Variants in TMEM40 observed in about 807,000 individuals in gnomAD.
TMEM40 encodes the protein transmembrane protein 40.
Under a neutral mutation model 40.8 loss-of-function variants are expected in TMEM40, and 34 were observed. The observed-to-expected ratio is 0.83, with a 90% confidence interval of 0.63 to 1.11. The LOEUF (loss-of-function observed/expected upper bound fraction) is 1.11. Ranked by LOEUF, TMEM40 falls within the 50% of genes least tolerant of loss-of-function variation. The pLI is 0.00. For synonymous variants in TMEM40, 106 were observed against 107.0 expected (o/e 0.99, Z 0.06); for missense variants, 296 against 280.2 (o/e 1.06, Z -0.40).
chr3:12,739,227 T>G (rs1238979656), intron 5 of TMEM40: 1 of 152,336 alleles, frequency 6.6e-6, no homozygotes, highest in Non-Finnish European at 1.5e-5. Context: ...TGACATTATT[T>G]TATGTACTAC....
upstream of TMEM40, among the ~76,000 whole-genome samples, chr3:12,760,528 C>G (rs1308779980): frequency 2.6e-5 from 4 of 151,942 alleles, no homozygotes; most frequent in Non-Finnish European, 1.5e-5. Flanking sequence ...CCACCTGGCC[C>G]CCCGCTCACT....
chr3:12,752,807 A>T (rs1318528988), intron 1 of TMEM40, among the ~76,000 whole-genome samples: 1 of 151,948 alleles, frequency 6.6e-6, no homozygotes, highest in African/African-American at 2.4e-5. Flanking sequence ...TGTCTCAAAA[A>T]AAAAAAGAAA....
intron 3 of TMEM40, 108 bp downstream of exon 3, chr3:12,748,547 A>T: frequency 7.0e-7 from 1 of 1,431,344 alleles, no homozygotes; most frequent in South Asian, 1.4e-5. Flanking sequence ...AATGTGGAGA[A>T]ACGGTATTGG....
chr3:12,762,283 T>C (rs1167727058), upstream of TMEM40, among the ~76,000 whole-genome samples: 5 of 152,246 alleles, frequency 3.3e-5, no homozygotes, highest in Non-Finnish European at 7.3e-5. Flanking sequence ...GATATATTAT[T>C]AAAATTAGTG....
intron 1 of TMEM40, among the ~76,000 whole-genome samples, chr3:12,766,368 G>A (rs1035817466): frequency 6.6e-6 from 1 of 152,038 alleles, no homozygotes; most frequent in Admixed American, 6.6e-5. Flanking sequence ...GGCCGAGGAG[G>A]GCGGATCACG....
chr3:12,748,743 G>C lies in TMEM40; in HGVS notation c.123C>G (p.Ser41=). ...HKQDGKAGLF[S]QEQYERNKSS... ...ACTTGTTTCTCTCATATTGTTCTTG[G>C]GAAAAGAGTCCAGCCTTCCCATCTT... The change falls in exon 3 of 12, where the codon TCC becomes TCG. Residue 41 remains serine (S), a synonymous_variant. Transcript: ENST00000314124. The C allele has an allele frequency of 6.2e-7, 1 of 1,614,074 alleles. No individual in the cohort carries two copies.
At chr3:12,740,772 C>T (rs1360189946) in intron 5 of TMEM40, among the ~76,000 whole-genome samples, 1 of 151,946 alleles carries the variant, frequency 6.6e-6, no homozygotes, top group African/African-American at 2.4e-5. Context: ...GTAGGAGAAT[C>T]GCTTGAGCCC....
At chr3:12,748,539 T>C in intron 3 of TMEM40, 116 bp downstream of exon 3, 2 of 1,391,628 alleles carry the variant, frequency 1.4e-6, no homozygotes, top group Non-Finnish European at 1.9e-6. Flanking sequence ...TAGAAGAGAA[T>C]GTGGAGAAAC....
chr3:12,737,979 C>G, intron 7 of TMEM40, 157 bp downstream of exon 7: 3 of 1,066,688 alleles, frequency 2.8e-6, no homozygotes, highest in Non-Finnish European at 4.2e-6. Flanking sequence ...TTTCCATTTC[C>G]CCTGCACTGG....
At chr3:12,741,989 T>C (rs1269075297) in intron 5 of TMEM40, among the ~76,000 whole-genome samples, 1 of 152,090 alleles carries the variant, frequency 6.6e-6, no homozygotes, top group Non-Finnish European at 1.5e-5. Flanking sequence ...CCCAGCACTT[T>C]GGGAGGCCGA....
intron 1 of TMEM40, among the ~76,000 whole-genome samples, chr3:12,752,255 G>T (rs890981787): frequency 3.9e-5 from 6 of 152,066 alleles, no homozygotes; most frequent in Non-Finnish European, 7.4e-5. Context: ...TCCAGGGTTT[G>T]TCTCCTTCAC....
chr3:12,755,821 C>T (rs1380155670), intron 1 of TMEM40, among the ~76,000 whole-genome samples: 1 of 152,132 alleles, frequency 6.6e-6, no homozygotes, highest in Non-Finnish European at 1.5e-5. Context: ...CAGACTATTG[C>T]CATATATTGT....
At position 12,736,750 on chromosome 3, in the gene TMEM40, G is replaced by A. The variant is rs776848387; in HGVS notation, c.544+14C>T. 6.2e-7 allele frequency: 1 copy of A among 1,614,074 alleles called. No individual in the cohort carries two copies. The highest frequency in any genetic ancestry group is 8.5e-7 in the Non-Finnish European group (1 of 1,180,008). ...CCATCCCCCTTGTGCATTCCCCAGG[G>A]CACCTCCCCTCACCTGCGTAATAGT... On this transcript the variant is annotated intron_variant, in intron 9 of 11. Transcript: ENST00000314124.
upstream of TMEM40, among the ~76,000 whole-genome samples, chr3:12,762,660 G>C (rs1356572643): frequency 6.6e-6 from 1 of 152,104 alleles, no homozygotes; most frequent in Non-Finnish European, 1.5e-5. Context: ...AGAAAATTAA[G>C]GACCACCACT....
intron 1 of TMEM40, among the ~76,000 whole-genome samples, chr3:12,750,130 C>CT (rs140556354): frequency 0.028 from 3,888 of 141,196 alleles, 172 homozygotes; most frequent in African/African-American, 0.097. Flanking sequence ...AGGCACAATC[C>CT]TTTTTCTTTT....
intron 3 of TMEM40, among the ~76,000 whole-genome samples, chr3:12,747,910 C>CA (rs747586371): frequency 0.15 from 4,086 of 27,260 alleles, 597 homozygotes; most frequent in African/African-American, 0.19. Flanking sequence ...GATTCTGTCT[C>CA]AAAAAAAAAA....
In TMEM40 at chr3:12,746,116, T is replaced by C. The variant is rs1166097625; in HGVS notation, c.212-2127A>G. On this transcript the variant is annotated intron_variant, in intron 3 of 11. Coordinates refer to ENST00000314124, the MANE Select transcript of TMEM40 (RefSeq NM_018306.4). Reference sequence around the variant, plus strand: ...TTTCACCATGTTGGCCAGGCTGGTCTTGAACTCCTGACCTCAGGTGATCTG... The same window carrying C: ...TTTCACCATGTTGGCCAGGCTGGTCCTGAACTCCTGACCTCAGGTGATCTG... Among the ~76,000 whole-genome samples, 2 of 151,828 alleles carry C rather than the reference T, an allele frequency of 1.3e-5. 1 individual carries two copies. The highest frequency in any genetic ancestry group is 2.9e-5 in the Non-Finnish European group (2 of 67,986).
chr3:12,742,600 A>G, intron 4 of TMEM40, 93 bp from the exon 5 acceptor site: 1 of 1,455,122 alleles, frequency 6.9e-7, no homozygotes, highest in Non-Finnish European at 9.5e-7. Context: ...AAGAAGTACC[A>G]CAGTCCTTGT....
intron 3 of TMEM40, among the ~76,000 whole-genome samples, chr3:12,747,123 C>T (rs2061434951): frequency 6.6e-6 from 1 of 151,988 alleles, no homozygotes; most frequent in South Asian, 2.1e-4. Flanking sequence ...CTGAAATGAT[C>T]ATTGATTTTG....
Sources: gnomAD v4.1 joint callset for allele counts (sites outside exome capture counted in the v4.1 genomes callset) on GRCh38, gnomAD v4.1.1 for gene constraint, MANE v1.5 for transcripts, NCBI Gene and HGNC (gene_info 2026-07-23, HGNC 2026-07-21) for gene names.